Variants in CSKMT observed in about 807,000 individuals in gnomAD.
CSKMT encodes the protein citrate synthase lysine methyltransferase, also known as citrate synthase-lysine N-methyltransferase CSKMT, mitochondrial.
In CSKMT, 6 loss-of-function variants were observed where a neutral mutation model predicts 4.6. That is an observed-to-expected ratio of 1.31 (90% CI 0.72 to 2.59). CSKMT has a LOEUF of 2.59. Among genes scored for constraint, CSKMT ranks in the 30% most tolerant of loss-of-function variants. The pLI, the probability that CSKMT is intolerant of heterozygous loss-of-function variation, is 0.00. For missense variants in CSKMT, 328 were observed against 298.0 expected, an observed-to-expected ratio of 1.10 and a Z score of -0.74; for synonymous variants, 142 against 128.9, an observed-to-expected ratio of 1.10 and a Z score of -0.69.
chr11:62,666,328 A>G (rs1206529033), intron 2 of CSKMT, 68 bp from the exon 3 acceptor site: 1 of 1,473,620 alleles, frequency 6.8e-7, no homozygotes, highest in South Asian at 1.1e-5. Flanking sequence ...AAAAGACGCC[A>G]GTGTGTATAT....
At chr11:62,665,618 G>A in intron 1 of CSKMT, 29 bp from the exon 2 acceptor site, 3 of 1,551,768 alleles carry the variant, frequency 1.9e-6, no homozygotes, top group Non-Finnish European at 1.7e-6. Flanking sequence ...CCTCCATCGG[G>A]GTGCTCACAC....
At chr11:62,665,489 G>A (rs1261129791) in intron 1 of CSKMT, 157 bp downstream of exon 1, 5 of 1,575,972 alleles carry the variant, frequency 3.2e-6, no homozygotes, top group Non-Finnish European at 4.3e-6. Flanking sequence ...AAGAGGGAAA[G>A]GGCTCTGGCC....
At position 62,666,648 on chromosome 11, in the gene CSKMT, A is replaced by C; in HGVS notation, c.320A>C (p.Asp107Ala). 6.2e-7 allele frequency: 1 copy of C among 1,614,076 alleles called. No individual in the cohort carries two copies. Among genetic ancestry groups the C allele is most frequent in the African/African-American group, 1.3e-5 (1 of 75,018 alleles). The change falls in exon 3 of 3, where the codon GAC (aspartate) becomes GCC (alanine). Residue 107 changes from aspartate (D) to alanine (A), a missense_variant. Physicochemically the swap from Asp to Ala is moderately radical, Grantham distance 126 (BLOSUM62 -2). Transcript: ENST00000532971. ...SPHPVDVLGV[D>A]FSPVAVAHMN... ...CACCCAGTGGATGTGCTGGGGGTGG[A>C]CTTTTCTCCTGTGGCTGTGGCCCAC...
rs200807075 is a variant in CSKMT, at chr11:62,667,765, A to G, written c.*714A>G. On this transcript the variant is annotated 3_prime_UTR_variant, in exon 3 of 3. Transcript: ENST00000532971. The stretch of plus-strand genomic sequence containing the variant: ...AGCCCAGCCTGGGATGGAGGAAGAG[A>G]GGGGACAAAAATATTACTGATATAT... 1 of 1,526,540 alleles carries G rather than the reference A, an allele frequency of 6.6e-7. No homozygotes were observed. Among genetic ancestry groups the G allele is most frequent in the Non-Finnish European group, 9.0e-7 (1 of 1,106,498 alleles). The allele number at this position is 1,526,540 out of a possible 1,614,324, so 94.6% of individuals were successfully genotyped here.
Position 62,667,069 on chromosome 11 carries a change from T to C in CSKMT, c.*18T>C, listed in dbSNP as rs1239126373. Reference sequence around the variant, plus strand: ...CTCATTAAAGACATTTTAGTAGTCCTGACCCTAGTATTTCTGTGGGCAAGG... The same window carrying C: ...CTCATTAAAGACATTTTAGTAGTCCCGACCCTAGTATTTCTGTGGGCAAGG... On this transcript the variant is annotated 3_prime_UTR_variant, in exon 3 of 3. Coordinates refer to ENST00000532971, the MANE Select transcript of CSKMT (RefSeq NM_001043229.2). The C allele has an allele frequency of 1.9e-6, 3 of 1,554,336 alleles. No homozygotes were observed. Among genetic ancestry groups the C allele is most frequent in the South Asian group, 1.2e-5 (1 of 81,724 alleles).
chr11:62,665,539 C>T (rs1157211494), intron 1 of CSKMT, 108 bp from the exon 2 acceptor site: 12 of 1,569,362 alleles, frequency 7.6e-6, no homozygotes, highest in Middle Eastern at 1.7e-4. Flanking sequence ...GCTTCCCATC[C>T]GCTGGTTCTA....
chr11:62,665,460 T>C (rs1461452016), intron 1 of CSKMT, 128 bp downstream of exon 1: 1 of 1,569,580 alleles, frequency 6.4e-7, no homozygotes, highest in Non-Finnish European at 8.6e-7. Flanking sequence ...GTGGTGCCGC[T>C]CCCCGTAATG....
chr11:62,666,415 C>G lies in CSKMT; in HGVS notation c.87C>G (p.Cys29Trp). ...RPFAGSLADS[C>W]LADRCLWDRL... ...CCACAGGCTCACTGGCTGATAGTTG[C>G]CTGGCGGACCGCTGTCTCTGGGATC... The change falls in exon 3 of 3, where the codon TGC becomes TGG. Residue 29 changes from cysteine (C) to tryptophan (W), a missense_variant. Physicochemically the swap from Cys to Trp is radical, Grantham distance 215. Coordinates refer to ENST00000532971, the MANE Select transcript of CSKMT (RefSeq NM_001043229.2). The G allele has an allele frequency of 6.2e-7, 1 of 1,610,784 alleles. No individual in the cohort carries two copies. The highest frequency in any genetic ancestry group is 8.5e-7 in the Non-Finnish European group (1 of 1,180,010).
rs1788250476 is a variant in CSKMT at position 62,667,571 on chromosome 11, T to A, written c.*520T>A. 15 of 1,614,018 alleles carry A rather than the reference T, an allele frequency of 9.3e-6. No homozygotes were observed. Among genetic ancestry groups the A allele is most frequent in the Admixed American group, 1.7e-5 (1 of 59,988 alleles). ...AGATGGGAATATTCCACAAAGCCAC[T>A]TCTACAAACACGGGAGCCTGTTGAG... On this transcript the variant is annotated 3_prime_UTR_variant, in exon 3 of 3. Coordinates refer to ENST00000532971, the MANE Select transcript of CSKMT (RefSeq NM_001043229.2).
At position 62,667,677 on chromosome 11, in the gene CSKMT, C is replaced by G; in HGVS notation, c.*626C>G. ...AACAAGCATCTTCTTCATCCTGGTCCTGCCCCCAGCTGAGTCCAGCGTTAA... is the reference window on the plus strand; with the variant it reads ...AACAAGCATCTTCTTCATCCTGGTCGTGCCCCCAGCTGAGTCCAGCGTTAA... On this transcript the variant is annotated 3_prime_UTR_variant, in exon 3 of 3. Coordinates refer to ENST00000532971, the MANE Select transcript of CSKMT (RefSeq NM_001043229.2). 6.2e-7 allele frequency: 1 copy of G among 1,614,158 alleles called. No homozygotes were observed. The highest frequency in any genetic ancestry group is 1.1e-5 in the South Asian group (1 of 91,080).
chr11:62,666,370 G>A, intron 2 of CSKMT, 26 bp from the exon 3 acceptor site: 1 of 1,603,416 alleles, frequency 6.2e-7, no homozygotes, highest in Non-Finnish European at 8.5e-7. Context: ...CATAGACCAA[G>A]TGACACCCTC....
Position 62,666,406 on chromosome 11 carries a change from T to C in CSKMT, c.78T>C (p.Ala26=). 1 of 1,609,866 alleles carries C rather than the reference T, an allele frequency of 6.2e-7. No individual in the cohort carries two copies. The highest frequency in any genetic ancestry group is 8.5e-7 in the Non-Finnish European group (1 of 1,179,998). ...CAACCGTGCCCACAGGCTCACTGGCTGATAGTTGCCTGGCGGACCGCTGTC... is the reference window on the plus strand; with the variant it reads ...CAACCGTGCCCACAGGCTCACTGGCCGATAGTTGCCTGGCGGACCGCTGTC... ...GTCRPFAGSL[A]DSCLADRCLW... is the part of the protein sequence containing the mutation. The change falls in exon 3 of 3, where the codon GCT becomes GCC. Residue 26 remains alanine (A), a synonymous_variant. Coordinates refer to ENST00000532971, the MANE Select transcript of CSKMT (RefSeq NM_001043229.2).
rs1944767550 is a variant in CSKMT at position 62,665,324 on chromosome 11, G to A, written c.-242G>A. On this transcript the variant is annotated 5_prime_UTR_variant, in exon 1 of 3. Transcript: ENST00000532971. Reference sequence around the variant, plus strand: ...CGGTGCGGGAGGCCTTTCGGAGGGTGGTGAGCTAGTAAGTGTGGTTTTAGC... The same window carrying A: ...CGGTGCGGGAGGCCTTTCGGAGGGTAGTGAGCTAGTAAGTGTGGTTTTAGC... 6.8e-6 allele frequency: 5 copies of A among 733,858 alleles called. No individual in the cohort carries two copies. The highest frequency in any genetic ancestry group is 1.6e-5 in the South Asian group (1 of 61,086). 45.5% of individuals were successfully genotyped at this position (733,858 alleles called of 1,614,324 possible).
chr11:62,665,582 G>A, intron 1 of CSKMT, 65 bp from the exon 2 acceptor site: 1 of 1,569,866 alleles, frequency 6.4e-7, no homozygotes, highest in Non-Finnish European at 8.6e-7. Context: ...GAATCTCGGA[G>A]AAGGACAACC....
Position 62,667,202 on chromosome 11 carries a change from C to T in CSKMT, c.*151C>T, listed in dbSNP as rs1944843951. ...TGCCATATTGCTGAATGTTTCTGTTCCCCAGTTTACTCATCTGCAGAGTGA... is the reference window on the plus strand; with the variant it reads ...TGCCATATTGCTGAATGTTTCTGTTTCCCAGTTTACTCATCTGCAGAGTGA... On this transcript the variant is annotated 3_prime_UTR_variant, in exon 3 of 3. Coordinates refer to ENST00000532971, the MANE Select transcript of CSKMT (RefSeq NM_001043229.2). 5.2e-6 allele frequency: 4 copies of T among 775,904 alleles called. No homozygotes were observed. The East Asian group carries it at 1.0e-4, about 20-fold the overall frequency. 48.1% of individuals were successfully genotyped at this position (775,904 alleles called of 1,614,324 possible). A position where few individuals can be genotyped will look rare whatever the true frequency, so the allele number is the denominator to read the frequency against.
rs1565127697 is a variant in CSKMT, at chr11:62,666,667, G to C, written c.339G>C (p.Val113=). Residue 113 remains valine (V), a synonymous_variant, in exon 3 of 3, where the codon GTG becomes GTC. Transcript: ENST00000532971. ...GGGTGGACTTTTCTCCTGTGGCTGTGGCCCACATGAATAGCCTCCTGGAGG... is the reference window on the plus strand; with the variant it reads ...GGGTGGACTTTTCTCCTGTGGCTGTCGCCCACATGAATAGCCTCCTGGAGG... ...VLGVDFSPVA[V]AHMNSLLEGG... 6.2e-7 allele frequency: 1 copy of C among 1,614,138 alleles called. No homozygotes were observed. The highest frequency in any genetic ancestry group is 8.5e-7 in the Non-Finnish European group (1 of 1,180,024).
At chr11:62,666,228 C>A (rs1944806538) in intron 2 of CSKMT, 168 bp from the exon 3 acceptor site, 1 of 779,886 alleles carries the variant, frequency 1.3e-6, no homozygotes, top group Non-Finnish European at 2.1e-6. Flanking sequence ...CCTAGCTACT[C>A]AGGAGGCTGA....
chr11:62,665,661 T>TATACCCTCCTCCACTTCCCGCTGC lies in CSKMT; in HGVS notation c.-217_-194dup. ...TTTGATTTCAGGTCTGCGGACGCTG[T>TATACCCTCCTCCACTTCCCGCTGC]ATACCCTCCTCCACTTCCCGCTGCA... On this transcript the variant is annotated 5_prime_UTR_variant, in exon 2 of 3. Transcript: ENST00000532971. 1.4e-6 allele frequency: 2 copies of TATACCCTCCTCCACTTCCCGCTGC among 1,480,360 alleles called. No homozygotes were observed. The highest frequency in any genetic ancestry group is 1.8e-6 in the Non-Finnish European group (2 of 1,117,430). 91.7% of individuals were successfully genotyped at this position (1,480,360 alleles called of 1,614,324 possible). A position where few individuals can be genotyped will look rare whatever the true frequency, so the allele number is the denominator to read the frequency against.
chr11:62,666,782 GCTT>G lies in CSKMT; in HGVS notation c.459_461del (p.Ser154del), dbSNP rs750265298. The G allele has an allele frequency of 2.5e-6, 4 of 1,613,950 alleles. No homozygotes were observed. The highest frequency in any genetic ancestry group is 1.7e-6 in the Non-Finnish European group (2 of 1,179,960). On this transcript the variant is annotated inframe_deletion, in exon 3 of 3. Coordinates refer to ENST00000532971, the MANE Select transcript of CSKMT (RefSeq NM_001043229.2). ...CGATGCTCAGAACCTGGGGGCTGTG[GCTT>G]CTTCAGGCTCTTTCCAACTACTGCT... is the stretch of plus-strand genomic sequence containing the variant.
Sources: allele counts gnomAD v4.1 joint callset, GRCh38; gene constraint gnomAD v4.1.1; transcripts MANE v1.5; gene names NCBI Gene and HGNC (gene_info 2026-07-23, HGNC 2026-07-21).